Variants in GLCE observed in about 807,000 individuals in gnomAD.
GLCE encodes D-glucuronyl C5-epimerase.
A neutral mutation model predicts 47.9 loss-of-function variants in GLCE; 19 were observed. That is an observed-to-expected ratio of 0.40 (90% CI 0.28 to 0.58). The LOEUF is 0.58. Ranked by LOEUF, GLCE falls within the 20% of genes least tolerant of loss-of-function variation. The pLI is 0.48. For synonymous variants in GLCE, 245 were observed against 263.4 expected (o/e 0.93, Z 0.68); for missense variants, 556 against 743.3 (o/e 0.75, Z 2.93).
chr15:69,250,242 G>A (rs1356066965), intron 2 of GLCE, among the ~76,000 whole-genome samples: 1 of 152,030 alleles, frequency 6.6e-6, no homozygotes, highest in Admixed American at 6.6e-5. Context: ...AAATTTCAGA[G>A]TGTCTGTGTC....
At chr15:69,260,873 A>G in intron 3 of GLCE, 1 of 495,412 alleles carries the variant, frequency 2.0e-6, no homozygotes, top group South Asian at 3.8e-5. Flanking sequence ...GTTAACAAAT[A>G]ATGAATGAGA....
intron 2 of GLCE, among the ~76,000 whole-genome samples, chr15:69,218,489 A>G (rs574821788): frequency 6.6e-6 from 1 of 152,302 alleles, no homozygotes; most frequent in South Asian, 2.1e-4. Flanking sequence ...AGTGAGACCC[A>G]GTCTCAAAAA....
At chr15:69,188,874 A>T (rs914106689) in intron 1 of GLCE, among the ~76,000 whole-genome samples, 5 of 152,212 alleles carry the variant, frequency 3.3e-5, no homozygotes, top group African/African-American at 9.6e-5. Context: ...TCAATAAAAA[A>T]TTTTAAATAA....
At chr15:69,246,640 C>T (rs763515783) in intron 2 of GLCE, among the ~76,000 whole-genome samples, 11 of 150,238 alleles carry the variant, frequency 7.3e-5, no homozygotes, top group African/African-American at 1.2e-4. Flanking sequence ...CGCTTGAATC[C>T]GGGAGGCAGA....
At chr15:69,267,075 G>C (rs997979593) in intron 4 of GLCE, among the ~76,000 whole-genome samples, 6 of 152,106 alleles carry the variant, frequency 3.9e-5, no homozygotes, top group Middle Eastern at 3.2e-3. Context: ...TGCTGCTACT[G>C]CTATTTTAAT....
chr15:69,227,538 A>G (rs376921117), intron 2 of GLCE, among the ~76,000 whole-genome samples: 1 of 150,264 alleles, frequency 6.7e-6, no homozygotes, highest in African/African-American at 2.4e-5. Context: ...CAGAAAAAAA[A>G]TTAGATAATC....
At chr15:69,201,900 T>C (rs2052080592) in intron 1 of GLCE, among the ~76,000 whole-genome samples, 1 of 151,910 alleles carries the variant, frequency 6.6e-6, no homozygotes, top group African/African-American at 2.4e-5. Context: ...TGCTTTTTCC[T>C]CCTCCTCCTC....
chr15:69,185,088 T>A (rs1472959373), intron 1 of GLCE, among the ~76,000 whole-genome samples: 1 of 152,230 alleles, frequency 6.6e-6, no homozygotes, highest in Non-Finnish European at 1.5e-5. Flanking sequence ...AGTGTTTGCC[T>A]TGGTTGTGTT....
intron 1 of GLCE, among the ~76,000 whole-genome samples, chr15:69,182,298 T>TGTGTGTGTGTGTGAGAGA (rs1446237319): frequency 1.4e-5 from 2 of 145,720 alleles, no homozygotes; most frequent in Admixed American, 1.4e-4. Context: ...TGTGTGTGTG[T>TGTGTGTGTGTGTGAGAGA]GAGAGAGAGA....
At chr15:69,241,313 A>G (rs1202402831) in intron 2 of GLCE, among the ~76,000 whole-genome samples, 1 of 152,242 alleles carries the variant, frequency 6.6e-6, no homozygotes, top group Non-Finnish European at 1.5e-5. Flanking sequence ...CATATTTTCA[A>G]TTCTGCAAGA....
At chr15:69,254,948 G>A (rs1183857976) in intron 2 of GLCE, among the ~76,000 whole-genome samples, 1 of 152,082 alleles carries the variant, frequency 6.6e-6, no homozygotes, top group Non-Finnish European at 1.5e-5. Flanking sequence ...TTAAGAATTA[G>A]GGAGATGAAA....
intron 2 of GLCE, among the ~76,000 whole-genome samples, chr15:69,222,909 A>G (rs1425525038): frequency 6.6e-6 from 1 of 152,202 alleles, no homozygotes; most frequent in East Asian, 1.9e-4. Flanking sequence ...ATTACAATTA[A>G]CATCCTAGGT....
chr15:69,201,106 G>A (rs1232043574), intron 1 of GLCE, among the ~76,000 whole-genome samples: 1 of 152,042 alleles, frequency 6.6e-6, no homozygotes, highest in Non-Finnish European at 1.5e-5. Flanking sequence ...TCCACCTTCT[G>A]TCTTCCTCTT....
chr15:69,182,615 G>A (rs1024498068), intron 1 of GLCE, among the ~76,000 whole-genome samples: 2 of 152,168 alleles, frequency 1.3e-5, no homozygotes, highest in African/African-American at 4.8e-5. Context: ...AAAAGGAAGT[G>A]CAGAAGTCAT....
At chr15:69,189,807 CTCTT>C (rs1414370960) in intron 1 of GLCE, among the ~76,000 whole-genome samples, 3 of 152,010 alleles carry the variant, frequency 2.0e-5, no homozygotes, top group South Asian at 2.1e-4. Flanking sequence ...GCTTGCTTTT[CTCTT>C]TCTAATTTTT....
intron 2 of GLCE, among the ~76,000 whole-genome samples, chr15:69,212,009 C>T (rs2052240014): frequency 1.3e-5 from 2 of 151,938 alleles, no homozygotes; most frequent in Admixed American, 1.3e-4. Flanking sequence ...TGCCATCACA[C>T]ATTTTATATT....
chr15:69,231,763 G>C (rs546876223), intron 2 of GLCE, among the ~76,000 whole-genome samples: 227 of 152,086 alleles, frequency 1.5e-3, no homozygotes, highest in African/African-American at 4.4e-3. Context: ...ATATACATGT[G>C]ATTCAGATAT....
chr15:69,237,375 A>C (rs1306707309), intron 2 of GLCE, among the ~76,000 whole-genome samples: 1 of 152,160 alleles, frequency 6.6e-6, no homozygotes. Flanking sequence ...CAGGTGGATC[A>C]CCTGAGGTCA....
Position 69,255,939 on chromosome 15 carries a change from A to G in GLCE, c.133A>G (p.Ser45Gly). ...KAIQFPRRSSSGFRVDGFEKR... is the reference protein window; with the variant it reads ...KAIQFPRRSSGGFRVDGFEKR... ...AATCCAGTTTCCACGGCGTTCGAGT[A>G]GTGGCTTCAGAGTGGATGGGTTTGA... Residue 45 changes from serine (S) to glycine (G), a missense_variant, in exon 3 of 5, where the codon AGT becomes GGT. Ser to Gly is a moderately conservative substitution (Grantham distance 56, BLOSUM62 0). Coordinates refer to ENST00000261858, the MANE Select transcript of GLCE (RefSeq NM_015554.3). 2 of 1,614,066 alleles carry G rather than the reference A, an allele frequency of 1.2e-6. No homozygotes were observed. Among genetic ancestry groups the G allele is most frequent in the Non-Finnish European group, 8.5e-7 (1 of 1,179,982 alleles).
Sources: gnomAD v4.1 joint callset for allele counts (sites outside exome capture counted in the v4.1 genomes callset) on GRCh38, gnomAD v4.1.1 for gene constraint, MANE v1.5 for transcripts, NCBI Gene and HGNC (gene_info 2026-07-23, HGNC 2026-07-21) for gene names.